The following RALGAPB variants were observed in gnomAD, a reference collection of about 807,000 sequenced individuals.
RALGAPB encodes the protein ral GTPase-activating protein subunit beta.
A neutral mutation model predicts 161.1 loss-of-function variants in RALGAPB; 25 were observed. The observed-to-expected ratio is 0.16, with a 90% CI of 0.11 to 0.22. The LOEUF is 0.22. RALGAPB is among the 10% of genes least tolerant of loss of function. RALGAPB has a pLI of 1.00. For missense variants in RALGAPB, 1,391 were observed against 1,815.2 expected, an observed-to-expected ratio of 0.77 and a Z score of 4.25; for synonymous variants, 629 against 626.1, an observed-to-expected ratio of 1.00 and a Z score of -0.07.
rs893380500 is a variant in RALGAPB at position 38,472,882 on chromosome 20, G to A, written c.-218G>A. 1 of 398,982 alleles carries A rather than the reference G, an allele frequency of 2.5e-6. No individual in the cohort carries two copies. The highest frequency in any genetic ancestry group is 4.4e-6 in the Non-Finnish European group (1 of 226,006). 24.7% of individuals were successfully genotyped at this position (398,982 alleles called of 1,614,324 possible). On this transcript the variant is annotated 5_prime_UTR_variant, in exon 1 of 30. Coordinates refer to ENST00000262879, the MANE Select transcript of RALGAPB (RefSeq NM_020336.4). The stretch of plus-strand genomic sequence containing the variant: ...TGAGCAGATCCCAGCCGGCTGGCTC[G>A]AGTGGCCTTCGTCGTCCCTTGGCGC...
intron 10 of RALGAPB, among the ~76,000 whole-genome samples, chr20:38,523,332 C>G (rs1193107028): frequency 6.6e-6 from 1 of 152,076 alleles, no homozygotes; most frequent in Non-Finnish European, 1.5e-5. Context: ...TGGAGCTCAC[C>G]CACTTGTTGT....
intron 6 of RALGAPB, among the ~76,000 whole-genome samples, chr20:38,511,420 G>C (rs2085948293): frequency 6.6e-6 from 1 of 151,646 alleles, no homozygotes; most frequent in Non-Finnish European, 1.5e-5. Flanking sequence ...GTGGAGGGAA[G>C]GTCAGCAGAT....
Position 38,478,200 on chromosome 20 carries a change from C to T in RALGAPB, c.-31+5131C>T, listed in dbSNP as rs192045229. On this transcript the variant is annotated intron_variant, in intron 1 of 29. Coordinates refer to ENST00000262879, the MANE Select transcript of RALGAPB (RefSeq NM_020336.4). ...CAGGACAAAGGGAAGTAGCATTGCA[C>T]TTTGAGGCAAGAGGTGGAGTTTCTT... 3.9e-5 allele frequency among the ~76,000 whole-genome samples: 6 copies of T among 152,320 alleles called. No individual in the cohort carries two copies. In the East Asian group the frequency reaches 1.2e-3, roughly 29 times the overall value.
chr20:38,559,417 G>A (rs1277387387), intron 23 of RALGAPB, among the ~76,000 whole-genome samples: 4 of 152,204 alleles, frequency 2.6e-5, no homozygotes, highest in African/African-American at 4.8e-5. Flanking sequence ...AGGACTGGCC[G>A]GGTGTGGTGG....
intron 28 of RALGAPB, among the ~76,000 whole-genome samples, chr20:38,573,360 G>A (rs762471344): frequency 5.4e-4 from 81 of 151,188 alleles, no homozygotes; most frequent in Non-Finnish European, 9.0e-4. Context: ...TGTTGCTTTG[G>A]CCAAAATCAC....
At chr20:38,489,087 T>C (rs957602890) in intron 2 of RALGAPB, among the ~76,000 whole-genome samples, 5 of 152,214 alleles carry the variant, frequency 3.3e-5, no homozygotes, top group African/African-American at 1.2e-4. Flanking sequence ...TCCCCATCCC[T>C]ACCTACTCCT....
chr20:38,532,669 C>T, intron 14 of RALGAPB, 61 bp from the exon 15 acceptor site: 1 of 1,575,820 alleles, frequency 6.3e-7, no homozygotes, highest in Non-Finnish European at 8.7e-7. Context: ...TAATGATTGA[C>T]CTTTATTTAT....
chr20:38,555,195 C>CT (rs1259461956), intron 22 of RALGAPB, among the ~76,000 whole-genome samples: 1 of 152,174 alleles, frequency 6.6e-6, no homozygotes, highest in Non-Finnish European at 1.5e-5. Flanking sequence ...GGAATTTACT[C>CT]TAAGTCCTGT....
At chr20:38,561,390 G>T (rs1316055307) in intron 23 of RALGAPB, among the ~76,000 whole-genome samples, 2 of 152,156 alleles carry the variant, frequency 1.3e-5, no homozygotes, top group Non-Finnish European at 2.9e-5. Context: ...ATTTGCAGTG[G>T]GTCAGATGTA....
intron 23 of RALGAPB, among the ~76,000 whole-genome samples, chr20:38,562,258 T>C (rs910090982): frequency 1.3e-5 from 2 of 152,220 alleles, no homozygotes; most frequent in Non-Finnish European, 2.9e-5. Flanking sequence ...CTCAGGGCTT[T>C]TCTTGCATTA....
At chr20:38,496,366 C>A (rs1386198652) in intron 3 of RALGAPB, among the ~76,000 whole-genome samples, 1 of 152,150 alleles carries the variant, frequency 6.6e-6, no homozygotes, top group East Asian at 1.9e-4. Flanking sequence ...CTTGAGGAAA[C>A]TCCCCAGTCT....
chr20:38,516,461 G>T, intron 7 of RALGAPB, 91 bp downstream of exon 7: 3 of 1,203,920 alleles, frequency 2.5e-6, no homozygotes, highest in Non-Finnish European at 3.4e-6. Context: ...AACATCCGAA[G>T]GAAAAGATGA....
intron 1 of RALGAPB, among the ~76,000 whole-genome samples, chr20:38,486,168 C>A (rs939111287): frequency 3.3e-5 from 5 of 151,728 alleles, no homozygotes; most frequent in African/African-American, 1.2e-4. Flanking sequence ...CAGGGTTTCA[C>A]CATGATGTTG....
At chr20:38,498,110 A>G (rs1450071435) in intron 4 of RALGAPB, among the ~76,000 whole-genome samples, 1 of 152,002 alleles carries the variant, frequency 6.6e-6, no homozygotes, top group African/African-American at 2.4e-5. Flanking sequence ...AACCAATTAA[A>G]TTAGAGCCTA....
chr20:38,506,548 C>T (rs1236208966), intron 5 of RALGAPB, among the ~76,000 whole-genome samples: 3 of 152,214 alleles, frequency 2.0e-5, no homozygotes, highest in Non-Finnish European at 2.9e-5. Flanking sequence ...CCTGCCTTGG[C>T]CTCCCAAAGT....
intron 10 of RALGAPB, among the ~76,000 whole-genome samples, chr20:38,524,359 ACTC>A (rs2086393186): frequency 6.6e-6 from 1 of 152,118 alleles, no homozygotes; most frequent in Non-Finnish European, 1.5e-5. Flanking sequence ...ACGGAATTTA[ACTC>A]AGCAGTTCCC....
chr20:38,493,195 C>G, intron 3 of RALGAPB, 63 bp downstream of exon 3: 1 of 1,345,760 alleles, frequency 7.4e-7, no homozygotes, highest in Non-Finnish European at 1.0e-6. Flanking sequence ...ATAAACGTTA[C>G]TATAGTATAG....
intron 5 of RALGAPB, among the ~76,000 whole-genome samples, chr20:38,500,719 A>T (rs1443254446): frequency 6.6e-6 from 1 of 152,228 alleles, no homozygotes. Context: ...CTTGCACCAA[A>T]TGGTTAGCCA....
intron 9 of RALGAPB, among the ~76,000 whole-genome samples, chr20:38,520,524 C>CTTTTTTTT (rs775371608): frequency 1.3e-4 from 9 of 70,290 alleles, no homozygotes; most frequent in South Asian, 4.6e-4. Context: ...TGTGTTTTGG[C>CTTTTTTTT]TTTTTTTTTT....
Sources: allele counts gnomAD v4.1 joint callset (sites outside exome capture counted in the v4.1 genomes callset), GRCh38; gene constraint gnomAD v4.1.1; transcripts MANE v1.5; gene names NCBI Gene and HGNC (gene_info 2026-07-23, HGNC 2026-07-21).